The following NEK10 variants were observed in gnomAD, a reference collection of about 807,000 sequenced individuals.
The protein encoded by NEK10 is serine/threonine-protein kinase Nek10.
In NEK10, 122 loss-of-function variants were observed where a neutral mutation model predicts 159.8. That is an observed-to-expected ratio of 0.76 (90% CI 0.66 to 0.89). The LOEUF (loss-of-function observed/expected upper bound fraction) is 0.89, where lower values mean the gene tolerates loss of function less well. Ranked by LOEUF, NEK10 falls within the 40% of genes least tolerant of loss-of-function variation. NEK10 has a pLI of 0.00. For synonymous variants in NEK10, 466 were observed against 457.1 expected (o/e 1.02, Z -0.25); for missense variants, 1,342 against 1,323.1 (o/e 1.01, Z -0.22).
chr3:27,265,741 T>C lies in NEK10; in HGVS notation c.2015-9370A>G, dbSNP rs1043709591. 5 of 90,564 alleles carry C rather than the reference T, an allele frequency of 5.5e-5. No homozygotes were observed. The Admixed American group carries it at 7.4e-4, about 13-fold the overall frequency. The allele number at this position is 90,564 out of a possible 1,614,324, so 5.6% of individuals were successfully genotyped here. On this transcript the variant is annotated intron_variant, in intron 22 of 35. Coordinates refer to ENST00000691995, the MANE Select transcript of NEK10 (RefSeq NM_001394966.1). ...AATTTTTGCATTTTTCATTAGGTTA[T>C]TTATTTTCTTATTTTTAAGTTTTGG...
At chr3:27,252,799 A>G (rs936625150) in intron 23 of NEK10, 1 of 446,502 alleles carries the variant, frequency 2.2e-6, no homozygotes, top group Non-Finnish European at 4.5e-6. Context: ...CAGATGAAAC[A>G]GCTAGGAATT....
intron 23 of NEK10, among the ~76,000 whole-genome samples, chr3:27,203,275 G>GA: frequency 6.6e-6 from 1 of 152,086 alleles, no homozygotes; most frequent in South Asian, 2.1e-4. Flanking sequence ...TGTTAATTTG[G>GA]AAAAAAACTG....
chr3:27,325,706 T>C (rs886200762), intron 5 of NEK10, among the ~76,000 whole-genome samples: 4 of 151,484 alleles, frequency 2.6e-5, no homozygotes, highest in Non-Finnish European at 5.9e-5. Context: ...GGGAAGGAGG[T>C]TGATAGGTAA....
chr3:27,317,545 A>T (rs532412047), intron 6 of NEK10, among the ~76,000 whole-genome samples: 30 of 151,918 alleles, frequency 2.0e-4, no homozygotes, highest in Admixed American at 4.6e-4. Flanking sequence ...TTCCTTTTTT[A>T]AAAAAAATAG....
intron 31 of NEK10, among the ~76,000 whole-genome samples, chr3:27,135,014 C>T (rs968058422): frequency 6.6e-6 from 1 of 152,158 alleles, no homozygotes; most frequent in African/African-American, 2.4e-5. Context: ...AGCTTAAAGA[C>T]ATTATGTAAC....
chr3:27,359,843 T>G (rs1487322034), intron 1 of NEK10, among the ~76,000 whole-genome samples: 1 of 152,246 alleles, frequency 6.6e-6, no homozygotes, highest in Non-Finnish European at 1.5e-5. Flanking sequence ...TTTATGTAGT[T>G]AAAGTGCTTT....
chr3:27,205,604 T>C lies in NEK10; in HGVS notation c.2091-3047A>G, dbSNP rs1223176493. ...ACAAACCTGAGAAAAACAAGCAATG[T>C]GGAAAGGATTCCCTATTTAATAAAT... On this transcript the variant is annotated intron_variant, in intron 23 of 35. Transcript: ENST00000691995. 2.2e-5 allele frequency among the ~76,000 whole-genome samples: 3 copies of C among 139,108 alleles called. 1 individual carries two copies. The South Asian group carries it at 6.9e-4, about 32-fold the overall frequency. 91.3% of individuals were successfully genotyped at this position (139,108 alleles called of 152,430 possible).
At chr3:27,260,060 C>T (rs1011883879) in intron 22 of NEK10, among the ~76,000 whole-genome samples, 1 of 152,132 alleles carries the variant, frequency 6.6e-6, no homozygotes, top group Non-Finnish European at 1.5e-5. Flanking sequence ...GATTTTTGTA[C>T]ATTAATTTTG....
chr3:27,182,645 T>C (rs1948237300), intron 26 of NEK10, among the ~76,000 whole-genome samples: 1 of 152,142 alleles, frequency 6.6e-6, no homozygotes, highest in Non-Finnish European at 1.5e-5. Context: ...ATCTGCATGC[T>C]CATTTTTATT....
chr3:27,344,125 A>C (rs7635958), intron 5 of NEK10, 147 bp downstream of exon 5: 80,206 of 492,354 alleles, frequency 0.16, 7,340 homozygotes, highest in Non-Finnish European at 0.19. Flanking sequence ...TTTTAATGAG[A>C]TCATCTGTAA....
intron 1 of NEK10, among the ~76,000 whole-genome samples, chr3:27,355,377 G>T (rs147953160): frequency 2.0e-5 from 3 of 152,048 alleles, no homozygotes; most frequent in African/African-American, 7.2e-5. Flanking sequence ...TCACTATATG[G>T]ATGCCTAATG....
chr3:27,129,516 T>A (rs561017671), intron 32 of NEK10, among the ~76,000 whole-genome samples: 1 of 152,252 alleles, frequency 6.6e-6, no homozygotes, highest in East Asian at 1.9e-4. Context: ...CAAAAGATTA[T>A]ACCAGAAAAG....
intron 22 of NEK10, among the ~76,000 whole-genome samples, chr3:27,276,330 A>G (rs564776405): frequency 1.4e-4 from 21 of 152,156 alleles, no homozygotes; most frequent in African/African-American, 4.6e-4. Context: ...AACTGGACAT[A>G]TCAGATGTGG....
chr3:27,329,153 T>G (rs887793177), intron 5 of NEK10, among the ~76,000 whole-genome samples: 1 of 152,134 alleles, frequency 6.6e-6, no homozygotes, highest in Admixed American at 6.5e-5. Flanking sequence ...AATGGGAGTT[T>G]CCCTGCACAA....
At chr3:27,363,028 G>A (rs1464581099) in intron 1 of NEK10, among the ~76,000 whole-genome samples, 1 of 152,114 alleles carries the variant, frequency 6.6e-6, no homozygotes, top group Non-Finnish European at 1.5e-5. Context: ...ATTTACCAAG[G>A]TCTGAGAGGT....
chr3:27,293,654 T>A lies in NEK10; in HGVS notation c.1309-2A>T. 1 of 1,525,204 alleles carries A rather than the reference T, an allele frequency of 6.6e-7. No individual in the cohort carries two copies. Among genetic ancestry groups the A allele is most frequent in the Non-Finnish European group, 9.0e-7 (1 of 1,108,550 alleles). The allele number at this position is 1,525,204 out of a possible 1,614,324, so 94.5% of individuals were successfully genotyped here. On this transcript the variant is annotated splice_acceptor_variant, in intron 15 of 35. Coordinates refer to ENST00000691995, the MANE Select transcript of NEK10 (RefSeq NM_001394966.1). LOFTEE classifies it high-confidence loss of function. ...TCTCAAGGCTCTGAAAGCATAACAC[T>A]AGAAAACAAAAGGATATGTGATTCT...
intron 26 of NEK10, among the ~76,000 whole-genome samples, chr3:27,181,676 C>A (rs530405976): frequency 6.6e-6 from 1 of 152,174 alleles, no homozygotes; most frequent in South Asian, 2.1e-4. Context: ...TATTACCTTG[C>A]CTTCTTTTAT....
chr3:27,282,001 A>G lies in NEK10; in HGVS notation c.2014+2601T>C, dbSNP rs183688838. 1.3e-4 allele frequency among the ~76,000 whole-genome samples: 20 copies of G among 152,346 alleles called. No homozygotes were observed. The East Asian group carries it at 3.9e-3, about 29-fold the overall frequency. ...AAGGCAATCATTAACTCTGAGAAAA[A>G]CAAAACTACCTATGAGAAAGGATAG... On this transcript the variant is annotated intron_variant, in intron 22 of 35. Transcript: ENST00000691995.
intron 33 of NEK10, among the ~76,000 whole-genome samples, chr3:27,116,829 T>A (rs1177875246): frequency 1.3e-5 from 2 of 152,004 alleles, no homozygotes; most frequent in African/African-American, 2.4e-5. Flanking sequence ...AATTTAATTT[T>A]AAGTTCCAGG....
Sources: gnomAD v4.1 joint callset for allele counts (sites outside exome capture counted in the v4.1 genomes callset) on GRCh38, gnomAD v4.1.1 for gene constraint, MANE v1.5 for transcripts, NCBI Gene and HGNC (gene_info 2026-07-23, HGNC 2026-07-21) for gene names.